GRIN2A: variants seen among roughly 807,000 people sequenced by gnomAD.
GRIN2A encodes the protein glutamate receptor ionotropic, NMDA 2A.
Under a neutral mutation model 113.4 loss-of-function variants are expected in GRIN2A, and 22 were observed. The observed-to-expected ratio is 0.19, with a 90% CI of 0.14 to 0.28. GRIN2A has a LOEUF of 0.28. GRIN2A is among the 10% of genes least tolerant of loss of function. The pLI is 1.00. For missense variants in GRIN2A, 1,502 were observed against 1,887.0 expected (o/e 0.80, Z 3.78); for synonymous variants, 827 against 738.4 (o/e 1.12, Z -1.94).
chr16:9,981,375 T>C (rs2141777003), intron 2 of GRIN2A, among the ~76,000 whole-genome samples: 1 of 152,362 alleles, frequency 6.6e-6, no homozygotes, highest in East Asian at 1.9e-4. Flanking sequence ...GGTCACTTTA[T>C]ATTCTTTTTA....
At chr16:9,842,995 G>GAAAA (rs1243654653) in intron 5 of GRIN2A, among the ~76,000 whole-genome samples, 10 of 147,212 alleles carry the variant, frequency 6.8e-5, no homozygotes, top group South Asian at 2.2e-4. Flanking sequence ...AAGAAAGAAA[G>GAAAA]AGAGAAACAG....
intron 3 of GRIN2A, among the ~76,000 whole-genome samples, chr16:9,895,929 T>C (rs1333483880): frequency 6.6e-6 from 1 of 152,214 alleles, no homozygotes; most frequent in East Asian, 1.9e-4. Flanking sequence ...TTTGGAAATA[T>C]CCAGTTTGTT....
At chr16:9,982,937 G>A (rs1191436187) in intron 2 of GRIN2A, among the ~76,000 whole-genome samples, 1 of 152,086 alleles carries the variant, frequency 6.6e-6, no homozygotes, top group African/African-American at 2.4e-5. Context: ...ACTGTTCTAG[G>A]ATATATGTAT....
intron 2 of GRIN2A, among the ~76,000 whole-genome samples, chr16:10,113,717 GATAC>G (rs1168866822): frequency 2.0e-5 from 3 of 152,116 alleles, no homozygotes; most frequent in Non-Finnish European, 4.4e-5. Context: ...TATAAATACA[GATAC>G]ATACATACAC....
At chr16:10,158,226 G>C (rs1010176969) in intron 2 of GRIN2A, among the ~76,000 whole-genome samples, 1 of 152,086 alleles carries the variant, frequency 6.6e-6, no homozygotes, top group Non-Finnish European at 1.5e-5. Context: ...GCTAGTCCCA[G>C]ACTCCTGGGC....
intron 11 of GRIN2A, among the ~76,000 whole-genome samples, chr16:9,787,348 C>T (rs975833548): frequency 6.6e-6 from 1 of 152,214 alleles, no homozygotes; most frequent in Non-Finnish European, 1.5e-5. Context: ...ACTCTTTCAA[C>T]CAATTGCAAA....
At chr16:9,813,560 T>G (rs2141275428) in intron 10 of GRIN2A, among the ~76,000 whole-genome samples, 1 of 149,984 alleles carries the variant, frequency 6.7e-6, no homozygotes, top group African/African-American at 2.4e-5. Flanking sequence ...AGAATTATGA[T>G]CTCACTTTAT....
chr16:9,822,498 A>G (rs2042308237), intron 9 of GRIN2A, 74 bp from the exon 10 acceptor site: 1 of 966,486 alleles, frequency 1.0e-6, no homozygotes, highest in Non-Finnish European at 1.7e-6. Context: ...GAGAGAACAA[A>G]TAATAAATTA....
chr16:9,965,417 G>C (rs2045535819), intron 2 of GRIN2A, among the ~76,000 whole-genome samples: 2 of 152,198 alleles, frequency 1.3e-5, no homozygotes, highest in African/African-American at 4.8e-5. Flanking sequence ...TTAAAAGTTG[G>C]GCAGTGAGGA....
chr16:10,142,154 C>G (rs994680686), intron 2 of GRIN2A, among the ~76,000 whole-genome samples: 40 of 152,074 alleles, frequency 2.6e-4, no homozygotes, highest in African/African-American at 8.7e-4. Context: ...CACGAACCCA[C>G]AAGAAGATAT....
At chr16:10,076,017 C>T (rs747883259) in intron 2 of GRIN2A, among the ~76,000 whole-genome samples, 14 of 152,058 alleles carry the variant, frequency 9.2e-5, no homozygotes, top group Non-Finnish European at 1.8e-4. Context: ...AAGTTCATTC[C>T]GAGACCCATC....
chr16:9,979,359 C>T (rs1376494805), intron 2 of GRIN2A, among the ~76,000 whole-genome samples: 4 of 152,218 alleles, frequency 2.6e-5, no homozygotes, highest in Non-Finnish European at 4.4e-5. Context: ...CTACAATAGA[C>T]CTTGACAGTT....
chr16:9,983,441 T>G (rs2045926649), intron 2 of GRIN2A, among the ~76,000 whole-genome samples: 1 of 148,882 alleles, frequency 6.7e-6, no homozygotes, highest in Admixed American at 6.6e-5. Flanking sequence ...TGTTATTTAT[T>G]CTTTTTTTTT....
chr16:9,859,815 T>A (rs17800861), intron 4 of GRIN2A, among the ~76,000 whole-genome samples: 11,153 of 152,164 alleles, frequency 0.073, 669 homozygotes, highest in Non-Finnish European at 0.1. Context: ...CAAATGCCAA[T>A]ACTCCCATGG....
At chr16:9,913,361 C>G (rs756148702) in intron 3 of GRIN2A, among the ~76,000 whole-genome samples, 16 of 152,298 alleles carry the variant, frequency 1.1e-4, no homozygotes, top group South Asian at 2.1e-4. Flanking sequence ...TTTCTCCAGA[C>G]AGGATCTTGA....
chr16:9,875,632 C>T (rs564749372), intron 4 of GRIN2A, among the ~76,000 whole-genome samples: 22 of 152,232 alleles, frequency 1.4e-4, no homozygotes, highest in African/African-American at 4.1e-4. Flanking sequence ...AGAAGCAGGC[C>T]CAGACAGCAG....
chr16:9,891,670 G>C (rs1260459747), intron 3 of GRIN2A, among the ~76,000 whole-genome samples: 1 of 152,136 alleles, frequency 6.6e-6, no homozygotes, highest in East Asian at 1.9e-4. Context: ...TATGCTATAA[G>C]AAAGTGAAAT....
chr16:9,787,081 A>G (rs1050342595), intron 11 of GRIN2A, among the ~76,000 whole-genome samples: 5 of 152,134 alleles, frequency 3.3e-5, no homozygotes, highest in African/African-American at 1.2e-4. Context: ...TCTTTGCCGT[A>G]TTTTTAAATG....
rs1030756239 is a variant in GRIN2A, at chr16:9,869,863, G to A, written c.1123-19902C>T. Among the ~76,000 whole-genome samples the A allele has an allele frequency of 1.2e-4, 18 of 152,210 alleles. 1 individual carries two copies. Among genetic ancestry groups the A allele is most frequent in the African/African-American group, 4.3e-4 (18 of 41,468 alleles). On this transcript the variant is annotated intron_variant, in intron 4 of 12. Coordinates refer to ENST00000330684, the MANE Select transcript of GRIN2A (RefSeq NM_001134407.3). ...GCAGTCAGATGTCTGGCCCACAGAA[G>A]GTATTTAGTCAAGGTTCCTTCCCAC...
Sources: allele counts gnomAD v4.1 joint callset (sites outside exome capture counted in the v4.1 genomes callset), GRCh38; gene constraint gnomAD v4.1.1; transcripts MANE v1.5; gene names NCBI Gene and HGNC (gene_info 2026-07-23, HGNC 2026-07-21).